The following ACOT11 variants were observed in gnomAD, a reference collection of about 807,000 sequenced individuals.
ACOT11 encodes the protein acyl-coenzyme A thioesterase 11.
ACOT11 carries 69 observed loss-of-function variants against 77.5 expected under a neutral mutation model. The observed-to-expected ratio is 0.89, with a 90% CI of 0.73 to 1.09. The LOEUF is 1.09. Ranked by LOEUF, ACOT11 falls within the 50% of genes least tolerant of loss-of-function variation. ACOT11 has a pLI of 0.00. For synonymous variants in ACOT11, 279 were observed against 313.0 expected (o/e 0.89, Z 1.15); for missense variants, 766 against 813.7 (o/e 0.94, Z 0.71).
At chr1:54,614,788 CCT>C (rs1360589397), downstream of ACOT11, 2 of 1,614,142 alleles carry the variant, frequency 1.2e-6, no homozygotes, top group Non-Finnish European at 1.7e-6. Context: ...ACTTTGCCTT[CCT>C]CTGTCAGCTG....
intron 10 of ACOT11, among the ~76,000 whole-genome samples, 180 bp from the exon 11 acceptor site, chr1:54,603,691 C>T (rs951365785): frequency 2.6e-5 from 4 of 152,196 alleles, no homozygotes; most frequent in South Asian, 4.1e-4. Flanking sequence ...GTGTAGGGGC[C>T]GAGCTGGTGT....
At chr1:54,562,585 G>C (rs1352861230) in intron 1 of ACOT11, among the ~76,000 whole-genome samples, 1 of 148,342 alleles carries the variant, frequency 6.7e-6, no homozygotes, top group African/African-American at 2.5e-5. Context: ...TGGCTGCCGG[G>C]CGGAGAGGCT....
chr1:54,584,569 C>A lies in ACOT11; in HGVS notation c.34-86C>A. On this transcript the variant is annotated intron_variant, in intron 1 of 15. Transcript: ENST00000343744. The surrounding 1 kb of genome is among the most constrained non-coding windows in gnomAD (Gnocchi z 6.3). ...CCCTAGGTACTCTCTCTCCCCCAGA[C>A]CCTAAGTTCTCAGGGCTGGACAGAC... 2.3e-6 allele frequency: 3 copies of A among 1,319,722 alleles called. No homozygotes were observed. The highest frequency in any genetic ancestry group is 2.1e-5 in the Admixed American group (1 of 47,924). The allele number at this position is 1,319,722 out of a possible 1,614,324, so 81.8% of individuals were successfully genotyped here.
In ACOT11 at chr1:54,597,449, C is replaced by T. The variant is rs767105163; in HGVS notation, c.764+34C>T. On this transcript the variant is annotated intron_variant, in intron 7 of 15. Transcript: ENST00000343744. Reference sequence around the variant, plus strand: ...AGGGTGTGCTGCCTCTGCCTCCCCTCCTTTCTCCTCCTCCTCCCCTTGGCT... The same window carrying T: ...AGGGTGTGCTGCCTCTGCCTCCCCTTCTTTCTCCTCCTCCTCCCCTTGGCT... 38 of 1,567,138 alleles carry T rather than the reference C, an allele frequency of 2.4e-5. No homozygotes were observed. In the South Asian group the frequency reaches 2.9e-4, roughly 12 times the overall value.
intron 1 of ACOT11, among the ~76,000 whole-genome samples, chr1:54,574,119 C>T (rs562824274): frequency 7.2e-5 from 11 of 152,292 alleles, no homozygotes; most frequent in African/African-American, 2.2e-4. Flanking sequence ...TCTTACCTGC[C>T]GCCCACCACT....
At position 54,627,933 on chromosome 1, in the gene ACOT11, G is replaced by A. The variant is rs1254217555; in HGVS notation, c.1630-2801G>A. Among the ~76,000 whole-genome samples the A allele has an allele frequency of 2.3e-5, 3 of 133,154 alleles. 1 individual carries two copies. The highest frequency in any genetic ancestry group is 5.1e-5 in the Non-Finnish European group (3 of 58,802). The allele number at this position is 133,154 out of a possible 152,430, so 87.4% of individuals were successfully genotyped here. ...AGCAGCAGGTGGGAAATGTGGGGAG[G>A]CGGAGGGGGAGAGAAATGAGACTGG... On this transcript the variant is annotated intron_variant, in intron 15 of 16. Coordinates refer to the ACOT11 transcript ENST00000371316.
chr1:54,583,699 AT>A (rs67745404), intron 1 of ACOT11, among the ~76,000 whole-genome samples: 22,874 of 152,052 alleles, frequency 0.15, 3,121 homozygotes, highest in African/African-American at 0.37. Context: ...ATAAAATTGG[AT>A]TAGTACAAAT....
chr1:54,549,940 G>A (rs562627331), intron 1 of ACOT11, among the ~76,000 whole-genome samples: 1 of 152,212 alleles, frequency 6.6e-6, no homozygotes, highest in African/African-American at 2.4e-5. Context: ...AGGCACTGGG[G>A]AAGAGGCATA....
chr1:54,556,142 C>T (rs1257546483), intron 1 of ACOT11, among the ~76,000 whole-genome samples: 1 of 152,126 alleles, frequency 6.6e-6, no homozygotes, highest in African/African-American at 2.4e-5. Context: ...ATAGACTGTC[C>T]CTTCCCCAAT....
At chr1:54,633,615 C>A (rs956989778) in intron 16 of ACOT11, among the ~76,000 whole-genome samples, 4 of 152,212 alleles carry the variant, frequency 2.6e-5, no homozygotes, top group Non-Finnish European at 5.9e-5. Flanking sequence ...AACAGCCCAA[C>A]AATTTGCCAG....
At chr1:54,601,907 C>G (rs768536898) in intron 9 of ACOT11, among the ~76,000 whole-genome samples, 1 of 152,248 alleles carries the variant, frequency 6.6e-6, no homozygotes, top group Non-Finnish European at 1.5e-5. Flanking sequence ...CACGGGAAGA[C>G]AGTCAGGAGC....
intron 12 of ACOT11, among the ~76,000 whole-genome samples, 154 bp from the exon 13 acceptor site, chr1:54,604,922 G>C (rs954205732): frequency 1.3e-5 from 2 of 152,134 alleles, no homozygotes; most frequent in Non-Finnish European, 2.9e-5. Flanking sequence ...TTCATAATTC[G>C]TGGGGATGCA....
intron 8 of ACOT11, among the ~76,000 whole-genome samples, chr1:54,600,350 T>C (rs1335193124): frequency 2.0e-5 from 3 of 152,020 alleles, no homozygotes; most frequent in Admixed American, 6.6e-5. Context: ...ACTTCCAAAG[T>C]GAGGGGGAAT....
intron 1 of ACOT11, among the ~76,000 whole-genome samples, chr1:54,577,124 A>T (rs78328279): frequency 6.6e-6 from 1 of 152,128 alleles, no homozygotes. Context: ...CTCAATAATT[A>T]AAAAAAATTA....
intron 15 of ACOT11, among the ~76,000 whole-genome samples, chr1:54,625,963 A>AAAG (rs1644270110): frequency 1.4e-5 from 2 of 146,040 alleles, no homozygotes; most frequent in Middle Eastern, 3.5e-3. Flanking sequence ...AGAAAGAAAG[A>AAAG]AAAAAAGAAA....
intron 8 of ACOT11, among the ~76,000 whole-genome samples, chr1:54,600,079 A>C (rs1467019856): frequency 6.6e-6 from 1 of 152,232 alleles, no homozygotes; most frequent in Non-Finnish European, 1.5e-5. Context: ...ATGAGGATTC[A>C]ATGAGCCGTT....
intron 10 of ACOT11, 56 bp from the exon 11 acceptor site, chr1:54,603,815 T>G: frequency 6.5e-7 from 1 of 1,530,224 alleles, no homozygotes; most frequent in Admixed American, 1.7e-5. Flanking sequence ...CAGTAGAGTC[T>G]GTGGAAAGTG....
intron 1 of ACOT11, among the ~76,000 whole-genome samples, chr1:54,575,976 C>T (rs1654100370): frequency 6.6e-6 from 1 of 152,198 alleles, no homozygotes; most frequent in Non-Finnish European, 1.5e-5. Flanking sequence ...TGCACCAAAA[C>T]AGCAGGAACT....
chr1:54,557,178 G>T (rs1248895540), intron 1 of ACOT11, among the ~76,000 whole-genome samples: 74 of 152,116 alleles, frequency 4.9e-4, no homozygotes, highest in African/African-American at 1.7e-3. Context: ...CAGATCACAA[G>T]GTCAGGAGTT....
Sources: gnomAD v4.1 joint callset for allele counts (sites outside exome capture counted in the v4.1 genomes callset) on GRCh38, gnomAD v4.1.1 for gene constraint, Gnocchi (gnomAD v3.1) non-coding constraint, MANE v1.5 for transcripts, NCBI Gene and HGNC (gene_info 2026-07-23, HGNC 2026-07-21) for gene names.